The following ALMS1 variants were observed in gnomAD, a reference collection of about 807,000 sequenced individuals.
ALMS1 encodes the protein centrosome-associated protein ALMS1.
A neutral mutation model predicts 352.2 loss-of-function variants in ALMS1; 271 were observed. The observed-to-expected ratio is 0.77, with a 90% confidence interval of 0.70 to 0.85. The LOEUF is 0.85. ALMS1 is among the 40% of genes least tolerant of loss of function. The pLI, the probability that ALMS1 is intolerant of heterozygous loss-of-function variation, is 0.00. For missense variants in ALMS1, 5,445 were observed against 4,870.7 expected, an observed-to-expected ratio of 1.12 and a Z score of -3.51; for synonymous variants, 1,865 against 1,761.2, an observed-to-expected ratio of 1.06 and a Z score of -1.48.
chr2:73,480,324 G>A lies in ALMS1; in HGVS notation c.7675-9310G>A, dbSNP rs935866806. On this transcript the variant is annotated intron_variant, in intron 9 of 22. Transcript: ENST00000613296. ...TCCCACCTATGAGTGAGAATATGCG[G>A]TGTTTGCTTTTTGTTCTTGCGATAG... 2.8e-3 allele frequency among the ~76,000 whole-genome samples: 433 copies of A among 152,142 alleles called. 5 individuals are homozygous for A. Among genetic ancestry groups the A allele is most frequent in the Non-Finnish European group, 2.5e-3 (171 of 68,006 alleles).
chr2:73,520,157 T>C (rs1673647629), intron 11 of ALMS1, 141 bp downstream of exon 11: 1 of 1,065,360 alleles, frequency 9.4e-7, no homozygotes, highest in South Asian at 1.4e-5. Flanking sequence ...ATCTGTCTTT[T>C]ATTTGCATAG....
At chr2:73,391,649 A>G (rs1436959753) in intron 1 of ALMS1, among the ~76,000 whole-genome samples, 1 of 152,104 alleles carries the variant, frequency 6.6e-6, no homozygotes, top group Admixed American at 6.6e-5. Context: ...GGTAAAAACT[A>G]TTTAGTCGTA....
At chr2:73,542,682 C>G (rs935602263) in intron 12 of ALMS1, among the ~76,000 whole-genome samples, 1 of 152,178 alleles carries the variant, frequency 6.6e-6, no homozygotes, top group East Asian at 1.9e-4. Context: ...GATACAAAAT[C>G]AGTGTAGAAA....
At chr2:73,458,591 G>A (rs1672122283) in intron 9 of ALMS1, 1 of 152,234 alleles carries the variant, frequency 6.6e-6, no homozygotes, top group African/African-American at 2.4e-5. Context: ...GGTCAACACA[G>A]AACCTGAGAA....
At chr2:73,496,729 A>G (rs904719795) in intron 10 of ALMS1, among the ~76,000 whole-genome samples, 5 of 152,178 alleles carry the variant, frequency 3.3e-5, no homozygotes, top group Non-Finnish European at 1.5e-5. Context: ...GTTACTCCAC[A>G]TCCTCACCGA....
Position 73,601,250 on chromosome 2 carries a change from C to A in ALMS1, c.11928C>A (p.Asn3976Lys), listed in dbSNP as rs571782143. ...TGGAGTCTAGATCAAAGAAGGAAAA[C>A]GTGCCTAACACTTGTGGCCCTGGCA... ...ENVESRSKKE[N>K]VPNTCGPGIS... Residue 3976 changes from asparagine (N) to lysine (K), a missense_variant, in exon 19 of 23, where the codon AAC becomes AAA. Transcript: ENST00000613296. 1.9e-6 allele frequency: 3 copies of A among 1,614,174 alleles called. No homozygotes were observed. Among genetic ancestry groups the A allele is most frequent in the Admixed American group, 1.7e-5 (1 of 60,024 alleles).
At chr2:73,556,221 A>G (rs889708001) in intron 13 of ALMS1, among the ~76,000 whole-genome samples, 3 of 152,320 alleles carry the variant, frequency 2.0e-5, no homozygotes, top group Admixed American at 2.0e-4. Context: ...AAAATTTCAG[A>G]AGACATTTAG....
intron 9 of ALMS1, among the ~76,000 whole-genome samples, chr2:73,463,154 A>G (rs958784154): frequency 6.6e-6 from 1 of 152,138 alleles, no homozygotes; most frequent in African/African-American, 2.4e-5. Context: ...CAGAACATAC[A>G]TTTTTCTCAG....
At chr2:73,555,458 T>G (rs1674522685) in intron 13 of ALMS1, among the ~76,000 whole-genome samples, 1 of 152,116 alleles carries the variant, frequency 6.6e-6, no homozygotes, top group Non-Finnish European at 1.5e-5. Context: ...TAAACAGAAA[T>G]GTATAGTATA....
rs397972016 is a variant in ALMS1, at chr2:73,391,294, C to CTTTTTTTTTTTTTTTTTTT, written c.324+5119_324+5120insTTTTTTTTTTTTTTTTTTT. ...TTAACCTATTCATATACGTTTTATT[C>CTTTTTTTTTTTTTTTTTTT]TTTTTTTTTTTTTTTTTGAGACGGA... On this transcript the variant is annotated intron_variant, in intron 1 of 22. Coordinates refer to ENST00000613296, the MANE Select transcript of ALMS1 (RefSeq NM_001378454.1). Among the ~76,000 whole-genome samples the CTTTTTTTTTTTTTTTTTTT allele has an allele frequency of 4.4e-4, 50 of 114,924 alleles. 5 individuals carry two copies. The highest frequency in any genetic ancestry group is 1.6e-3 in the African/African-American group (39 of 24,454). 75.4% of individuals were successfully genotyped at this position (114,924 alleles called of 152,430 possible). A position where few individuals can be genotyped will look rare whatever the true frequency, so the allele number is the denominator to read the frequency against.
At position 73,490,209 on chromosome 2, in the gene ALMS1, T is replaced by C; in HGVS notation, c.8250T>C (p.Phe2750=). The C allele has an allele frequency of 6.2e-7, 1 of 1,614,194 alleles. No individual in the cohort carries two copies. The highest frequency in any genetic ancestry group is 1.3e-5 in the African/African-American group (1 of 75,042). Residue 2750 remains phenylalanine (F), a synonymous_variant, in exon 10 of 23, where the codon TTT becomes TTC. Coordinates refer to ENST00000613296, the MANE Select transcript of ALMS1 (RefSeq NM_001378454.1). ...GTACTGGAGCATCTGTGGGGGTATTTAATTCTCATTTCACTGAAGAACAAA... is the reference window on the plus strand; with the variant it reads ...GTACTGGAGCATCTGTGGGGGTATTCAATTCTCATTTCACTGAAGAACAAA... ...SQCTGASVGV[F]NSHFTEEQNP...
chr2:73,549,348 C>A (rs1674382817), intron 12 of ALMS1, among the ~76,000 whole-genome samples: 1 of 152,088 alleles, frequency 6.6e-6, no homozygotes, highest in Admixed American at 6.6e-5. Context: ...GATTAATCTT[C>A]TGGAAACATA....
chr2:73,551,425 C>CTTTTT (rs372741747), intron 13 of ALMS1, among the ~76,000 whole-genome samples: 16 of 73,702 alleles, frequency 2.2e-4, no homozygotes, highest in East Asian at 9.7e-4. Context: ...GAGTTTCAAT[C>CTTTTT]TTTTTTTTTT....
intron 1 of ALMS1, among the ~76,000 whole-genome samples, chr2:73,390,943 G>T (rs1237275624): frequency 2.0e-5 from 3 of 151,808 alleles, no homozygotes; most frequent in Non-Finnish European, 4.4e-5. Flanking sequence ...GCTAATTTTT[G>T]TATTTTTAGT....
intron 16 of ALMS1, among the ~76,000 whole-genome samples, chr2:73,585,878 A>G (rs1345219147): frequency 1.3e-5 from 2 of 149,998 alleles, no homozygotes; most frequent in Admixed American, 6.6e-5. Flanking sequence ...ACAGGTGCCT[A>G]CCACCACGCC....
At chr2:73,467,093 T>G (rs548432768) in intron 9 of ALMS1, among the ~76,000 whole-genome samples, 1 of 117,800 alleles carries the variant, frequency 8.5e-6, no homozygotes, top group Admixed American at 1.0e-4. Context: ...AGGCAAAGGT[T>G]TCTTAAACAA....
chr2:73,408,478 T>A, intron 1 of ALMS1, 144 bp from the exon 2 acceptor site: 1 of 942,280 alleles, frequency 1.1e-6, no homozygotes. Flanking sequence ...GATAATAGCT[T>A]GTATAATGGT....
At position 73,557,320 on chromosome 2, in the gene ALMS1, T is replaced by C. The variant is rs749030025; in HGVS notation, c.10179T>C (p.Ala3393=). Residue 3393 remains alanine (A), a synonymous_variant, in exon 14 of 23, where the codon GCT becomes GCC. Coordinates refer to ENST00000613296, the MANE Select transcript of ALMS1 (RefSeq NM_001378454.1). ...STRAVTEAAQ[A]KEKESLQKDT... is the part of the protein sequence containing the mutation. ...GGGCAGTGACTGAGGCTGCCCAGGC[T>C]AAAGAAAAAGAATCTTTGCAGAAAG... The C allele has an allele frequency of 6.8e-6, 11 of 1,614,152 alleles. No homozygotes were observed. In the East Asian group the frequency reaches 2.5e-4, roughly 36 times the overall value.
chr2:73,466,215 C>CA (rs1396405549), intron 9 of ALMS1, among the ~76,000 whole-genome samples: 1 of 152,028 alleles, frequency 6.6e-6, no homozygotes, highest in East Asian at 1.9e-4. Flanking sequence ...TTCACAATAG[C>CA]AAATACTTGG....
Sources: allele counts gnomAD v4.1 joint callset (sites outside exome capture counted in the v4.1 genomes callset), GRCh38; gene constraint gnomAD v4.1.1; transcripts MANE v1.5; gene names NCBI Gene and HGNC (gene_info 2026-07-23, HGNC 2026-07-21).